CACNA2D1: variants seen among roughly 807,000 people sequenced by gnomAD.
CACNA2D1 encodes voltage-dependent calcium channel subunit alpha-2/delta-1.
Under a neutral mutation model 171.5 loss-of-function variants are expected in CACNA2D1, and 53 were observed. The ratio of observed to expected loss-of-function variants is 0.31; its 90% CI spans 0.25 to 0.39. The LOEUF is 0.39. Ranked by LOEUF, CACNA2D1 falls within the 10% of genes least tolerant of loss-of-function variation. CACNA2D1 has a pLI of 1.00. For synonymous variants in CACNA2D1, 442 were observed against 443.1 expected, an observed-to-expected ratio of 1.00 and a Z score of 0.03; for missense variants, 903 against 1,299.8, an observed-to-expected ratio of 0.69 and a Z score of 4.69.
At chr7:82,275,184 T>C (rs1809167883) in intron 3 of CACNA2D1, among the ~76,000 whole-genome samples, 1 of 13,726 alleles carries the variant, frequency 7.3e-5, no homozygotes, top group African/African-American at 1.4e-3. Flanking sequence ...CTTAAATTTA[T>C]TAGTGATAAA....
intron 3 of CACNA2D1, among the ~76,000 whole-genome samples, chr7:82,249,817 A>G (rs914433289): frequency 6.6e-6 from 1 of 152,246 alleles, no homozygotes; most frequent in Non-Finnish European, 1.5e-5. Flanking sequence ...CCTAGGATCA[A>G]TCCTACATAA....
chr7:82,252,208 T>G (rs1025631602), intron 3 of CACNA2D1, among the ~76,000 whole-genome samples: 4 of 152,118 alleles, frequency 2.6e-5, no homozygotes, highest in Non-Finnish European at 4.4e-5. Context: ...TAATAAACAT[T>G]TATTTGAGTG....
chr7:82,026,998 T>G (rs772507131), intron 12 of CACNA2D1, among the ~76,000 whole-genome samples: 2 of 151,758 alleles, frequency 1.3e-5, no homozygotes, highest in Non-Finnish European at 3.0e-5. Flanking sequence ...GATCTAAAGA[T>G]CAAAGTAATT....
chr7:82,223,943 A>G (rs923329247), intron 3 of CACNA2D1, among the ~76,000 whole-genome samples: 2 of 152,174 alleles, frequency 1.3e-5, no homozygotes, highest in African/African-American at 4.8e-5. Context: ...CTACTACATC[A>G]CCAGCCTCCT....
intron 1 of CACNA2D1, among the ~76,000 whole-genome samples, chr7:82,394,164 AAGGAGGGCTCCAAAAGACAC>A (rs1399286456): frequency 6.6e-6 from 1 of 152,162 alleles, no homozygotes; most frequent in Non-Finnish European, 1.5e-5. Flanking sequence ...GGGAGGGGTC[AAGGAGGGCTCCAAAAGACAC>A]ATTTCTTGAT....
chr7:82,205,468 T>C (rs1370123871), intron 3 of CACNA2D1, among the ~76,000 whole-genome samples: 1 of 152,110 alleles, frequency 6.6e-6, no homozygotes, highest in African/African-American at 2.4e-5. Context: ...TTTCCCTGTC[T>C]TTTAAGTTTC....
chr7:82,367,169 C>A (rs1394184671), intron 1 of CACNA2D1, among the ~76,000 whole-genome samples: 2 of 151,880 alleles, frequency 1.3e-5, no homozygotes, highest in East Asian at 3.9e-4. Context: ...CTCAGCCTCC[C>A]AAAGGGGTAG....
intron 3 of CACNA2D1, among the ~76,000 whole-genome samples, chr7:82,193,040 C>G (rs1798497647): frequency 1.3e-5 from 2 of 151,862 alleles, no homozygotes; most frequent in Admixed American, 6.6e-5. Context: ...TCCCCTTTGT[C>G]TGATGCTTCT....
intron 6 of CACNA2D1, among the ~76,000 whole-genome samples, chr7:82,098,671 C>T (rs1435106517): frequency 6.6e-6 from 1 of 152,122 alleles, no homozygotes; most frequent in Admixed American, 6.5e-5. Flanking sequence ...AGTTCTACCA[C>T]AGGAGTCATA....
At chr7:82,378,357 C>T (rs1015321770) in intron 1 of CACNA2D1, among the ~76,000 whole-genome samples, 2 of 152,144 alleles carry the variant, frequency 1.3e-5, no homozygotes, top group African/African-American at 4.8e-5. Flanking sequence ...CGTGTTAGTG[C>T]CACTGCACTT....
At chr7:82,291,661 AT>A (rs566911222) in intron 3 of CACNA2D1, among the ~76,000 whole-genome samples, 35 of 135,752 alleles carry the variant, frequency 2.6e-4, no homozygotes, top group South Asian at 4.4e-4. Flanking sequence ...ATATATATAT[AT>A]TTTTTTTTCT....
intron 2 of CACNA2D1, among the ~76,000 whole-genome samples, chr7:82,342,051 CT>C (rs1480929918): frequency 5.1e-5 from 3 of 58,314 alleles, no homozygotes; most frequent in African/African-American, 2.8e-4. Flanking sequence ...GAGACTCCGT[CT>C]CAAAAAAAAA....
At chr7:82,169,049 T>C (rs918725062) in intron 4 of CACNA2D1, among the ~76,000 whole-genome samples, 1 of 152,096 alleles carries the variant, frequency 6.6e-6, no homozygotes, top group Non-Finnish European at 1.5e-5. Context: ...CTTTATGTTG[T>C]GGGACATAAG....
chr7:82,267,184 AT>A (rs1453014966), intron 3 of CACNA2D1, among the ~76,000 whole-genome samples: 3 of 152,194 alleles, frequency 2.0e-5, no homozygotes, highest in Non-Finnish European at 1.5e-5. Context: ...AATAGCATTT[AT>A]TTTTCAGTGA....
intron 19 of CACNA2D1, among the ~76,000 whole-genome samples, chr7:81,995,596 C>T (rs1797959866): frequency 1.3e-5 from 2 of 151,936 alleles, no homozygotes; most frequent in Admixed American, 6.6e-5. Flanking sequence ...GTTGAGAGTT[C>T]GAGATCAGCC....
intron 10 of CACNA2D1, among the ~76,000 whole-genome samples, chr7:82,054,854 G>A (rs80173444): frequency 2.1e-3 from 327 of 152,252 alleles, no homozygotes; most frequent in African/African-American, 7.5e-3. Flanking sequence ...ACTGATTAAT[G>A]GGGATGCACC....
intron 17 of CACNA2D1, 97 bp from the exon 18 acceptor site, chr7:82,005,594 T>C: frequency 1.1e-6 from 1 of 887,708 alleles, no homozygotes. Context: ...ACACATTGTA[T>C]AGCATGTTGA....
chr7:82,205,884 A>G (rs1468970969), intron 3 of CACNA2D1, among the ~76,000 whole-genome samples: 3 of 152,172 alleles, frequency 2.0e-5, no homozygotes, highest in Non-Finnish European at 4.4e-5. Flanking sequence ...TATTTTTATT[A>G]CATACACCTT....
chr7:81,962,457 G>T lies in CACNA2D1; in HGVS notation c.2819C>A (p.Pro940Gln). Residue 940 changes from proline (P) to glutamine (Q), a missense_variant, in exon 35 of 39, where the codon CCA becomes CAA. Coordinates refer to ENST00000356860, the MANE Select transcript of CACNA2D1 (RefSeq NM_000722.4). ...TTACATACCTGCCTCAAGGAGTCGT[G>T]GAAAGGTCAAACTCAAGAGAAACTG... ...LQQFLLSLTF[P>Q]RLLEAVEMED... 6.2e-7 allele frequency: 1 copy of T among 1,605,546 alleles called. No homozygotes were observed. Among genetic ancestry groups the T allele is most frequent in the Non-Finnish European group, 8.5e-7 (1 of 1,175,482 alleles).
Sources: gnomAD v4.1 joint callset for allele counts (sites outside exome capture counted in the v4.1 genomes callset) on GRCh38, gnomAD v4.1.1 for gene constraint, MANE v1.5 for transcripts, NCBI Gene and HGNC (gene_info 2026-07-23, HGNC 2026-07-21) for gene names.